Variants in EIF4A2 observed in about 807,000 individuals in gnomAD.
EIF4A2 encodes eukaryotic translation initiation factor 4A2, also known as eukaryotic initiation factor 4A-II.
Under a neutral mutation model 50.6 loss-of-function variants are expected in EIF4A2, and 9 were observed. The observed-to-expected ratio is 0.18, with a 90% CI of 0.11 to 0.31. The LOEUF is 0.31. Ranked by LOEUF, EIF4A2 falls within the 10% of genes least tolerant of loss-of-function variation. EIF4A2 has a pLI of 1.00. For synonymous variants in EIF4A2, 215 were observed against 164.4 expected (o/e 1.31, Z -2.35); for missense variants, 182 against 501.8 (o/e 0.36, Z 6.09).
At chr3:186,786,891 C>T in intron 7 of EIF4A2, 3 of 887,784 alleles carry the variant, frequency 3.4e-6, no homozygotes, top group South Asian at 1.4e-5. Flanking sequence ...TTTATAATTT[C>T]TACGTTTTGA....
chr3:186,785,256 AAG>A lies in EIF4A2; in HGVS notation c.348+157_348+158del, dbSNP rs1287654406. ...AGGGAGTTTTTGTTGAAAGTTTTAA[AAG>A]AACTGGGTATGCAGGTATGGTTTGT... On this transcript the variant is annotated intron_variant, in intron 4 of 10. Coordinates refer to ENST00000323963, the MANE Select transcript of EIF4A2 (RefSeq NM_001967.4). 3 of 1,082,676 alleles carry A rather than the reference AAG, an allele frequency of 2.8e-6. No homozygotes were observed. The African/African-American group carries it at 4.7e-5, about 17-fold the overall frequency. The allele number at this position is 1,082,676 out of a possible 1,614,324, so 67.1% of individuals were successfully genotyped here.
intron 10 of EIF4A2, chr3:186,788,186 T>C (rs1172054972): frequency 2.4e-6 from 2 of 837,258 alleles, no homozygotes; most frequent in African/African-American, 3.5e-5. Flanking sequence ...ATAGTTGGGA[T>C]TTTCTTGGTG....
At position 186,789,341 on chromosome 3, in the gene EIF4A2, C is replaced by CTTTCT; in HGVS notation, c.*75_*79dup. 1 of 1,517,490 alleles carries CTTTCT rather than the reference C, an allele frequency of 6.6e-7. No individual in the cohort carries two copies. The highest frequency in any genetic ancestry group is 8.8e-7 in the Non-Finnish European group (1 of 1,130,930). The allele number at this position is 1,517,490 out of a possible 1,614,324, so 94.0% of individuals were successfully genotyped here. A position where few individuals can be genotyped will look rare whatever the true frequency, so the allele number is the denominator to read the frequency against. ...GGCGATCACAACGTGCATTGTGCTT[C>CTTTCT]TTTCTTTGGGAATATTTGAATCTTG... On this transcript the variant is annotated 3_prime_UTR_variant, in exon 11 of 11. Coordinates refer to ENST00000323963, the MANE Select transcript of EIF4A2 (RefSeq NM_001967.4).
chr3:186,783,615 C>G lies in EIF4A2; in HGVS notation c.5C>G (p.Ser2Cys), dbSNP rs764605841. The G allele has an allele frequency of 3.7e-6, 6 of 1,614,018 alleles. No individual in the cohort carries two copies. The highest frequency in any genetic ancestry group is 1.3e-5 in the African/African-American group (1 of 74,898). Residue 2 changes from serine (S) to cysteine (C), a missense_variant, in exon 1 of 11, where the codon TCT becomes TGT. Coordinates refer to ENST00000323963, the MANE Select transcript of EIF4A2 (RefSeq NM_001967.4). ...CGCTGAGTGGTTTTTCGGATCATGT[C>G]TGGTGGCTCCGCGGATTATAACAGG... MSGGSADYNREH... is the reference protein window; with the variant it reads MCGGSADYNREH...
chr3:186,789,097 T>C (rs754575978), intron 10 of EIF4A2, 28 bp from the exon 11 acceptor site: 2 of 1,607,984 alleles, frequency 1.2e-6, no homozygotes, highest in Non-Finnish European at 8.5e-7. Context: ...ATGTGAGAAG[T>C]AACGTTCTGA....
In EIF4A2 at chr3:186,784,682, T is replaced by A. The variant is rs2108454857; in HGVS notation, c.194T>A (p.Ile65Asn). The stretch of plus-strand genomic sequence containing the variant: ...TCCGCTATTCAGCAGAGAGCTATTA[T>A]TCCCTGTATTAAAGGTAAAAGAAAC... ...KPSAIQQRAI[I>N]PCIKGYDVIA... Residue 65 changes from isoleucine to asparagine, a missense_variant, in exon 3 of 11, where the codon ATT (isoleucine) becomes AAT (asparagine). By Grantham distance (149) the Ile-to-Asn change is moderately radical. Coordinates refer to ENST00000323963, the MANE Select transcript of EIF4A2 (RefSeq NM_001967.4). 2 of 1,614,094 alleles carry A rather than the reference T, an allele frequency of 1.2e-6. No homozygotes were observed. Among genetic ancestry groups the A allele is most frequent in the Non-Finnish European group, 1.7e-6 (2 of 1,179,946 alleles).
Position 186,787,264 on chromosome 3 carries a change from G to T in EIF4A2, c.909G>T (p.Leu303=). 1 of 1,614,046 alleles carries T rather than the reference G, an allele frequency of 6.2e-7. No individual in the cohort carries two copies. Among genetic ancestry groups the T allele is most frequent in the Non-Finnish European group, 8.5e-7 (1 of 1,179,966 alleles). ...CCAGAGACTTCACAGTTTCTGCTCT[G>T]GTAAGAGGTGTTCTAAAATGTCTGG... ...MHARDFTVSA[L]HGDMDQKERD... The change falls in exon 8 of 11, where the codon CTG becomes CTT. Residue 303 remains leucine (L), a splice_region_variant and synonymous_variant. Coordinates refer to ENST00000323963, the MANE Select transcript of EIF4A2 (RefSeq NM_001967.4).
chr3:186,788,100 A>G (rs1228552593), intron 10 of EIF4A2: 12 of 699,936 alleles, frequency 1.7e-5, no homozygotes, highest in Admixed American at 3.0e-5. Flanking sequence ...TTTTTTCCAC[A>G]ATTGTTGGTC....
chr3:186,784,249 C>A, intron 1 of EIF4A2, 183 bp from the exon 2 acceptor site: 1 of 837,708 alleles, frequency 1.2e-6, no homozygotes, highest in Non-Finnish European at 1.8e-6. Context: ...GGCTGCCTTT[C>A]CGGGCATCCG....
At chr3:186,787,989 T>A in intron 10 of EIF4A2, 107 bp downstream of exon 10, 1 of 1,163,502 alleles carries the variant, frequency 8.6e-7, no homozygotes, top group Non-Finnish European at 1.2e-6. Context: ...GTAAAGTCAG[T>A]AGTGTTCAGT....
chr3:186,785,278 G>T, intron 4 of EIF4A2, 177 bp downstream of exon 4: 1 of 834,642 alleles, frequency 1.2e-6, no homozygotes, highest in Non-Finnish European at 1.8e-6. Flanking sequence ...TGCAGGTATG[G>T]TTTGTAGGGT....
intron 9 of EIF4A2, 32 bp downstream of exon 9, chr3:186,787,616 C>A: frequency 6.2e-7 from 1 of 1,613,146 alleles, no homozygotes; most frequent in Non-Finnish European, 8.5e-7. Context: ...AAAAATCTAC[C>A]AAAAGTTAGC....
chr3:186,785,635 C>A, intron 4 of EIF4A2: 1 of 461,426 alleles, frequency 2.2e-6, no homozygotes, highest in Non-Finnish European at 3.9e-6. Context: ...ATGTAGGAAA[C>A]GTTATTCTTG....
intron 3 of EIF4A2, 116 bp from the exon 4 acceptor site, chr3:186,784,846 T>TA (rs771820404): frequency 6.2e-7 from 1 of 1,600,304 alleles, no homozygotes; most frequent in Non-Finnish European, 8.5e-7. Flanking sequence ...ATGAAGAGAA[T>TA]ACTCATTGCT....
In EIF4A2 at chr3:186,786,190, T is replaced by C. The variant is rs752421895; in HGVS notation, c.544T>C (p.Leu182=). The change falls in exon 6 of 11, where the codon TTG becomes CTG. Residue 182 remains leucine (L), a synonymous_variant. Transcript: ENST00000323963. ...LSPKWIKMFV[L]DEADEMLSRG... ...TCCAAAATGGATCAAAATGTTTGTT[T>C]TGGATGAAGCAGATGAAATGTTGAG... 6.2e-7 allele frequency: 1 copy of C among 1,613,810 alleles called. No homozygotes were observed. The highest frequency in any genetic ancestry group is 1.3e-5 in the African/African-American group (1 of 74,912).
intron 10 of EIF4A2, chr3:186,788,694 A>G (rs1488852659): frequency 3.0e-5 from 7 of 233,250 alleles, no homozygotes; most frequent in Non-Finnish European, 6.0e-5. Context: ...GTTTTAGAAA[A>G]TAGTTAACCT....
intron 7 of EIF4A2, 113 bp downstream of exon 7, chr3:186,786,758 C>G (rs1201666943): frequency 1.1e-5 from 16 of 1,418,450 alleles, no homozygotes; most frequent in South Asian, 2.3e-5. Context: ...AGAGTACACA[C>G]AAGAAGAAAA....
Position 186,787,109 on chromosome 3 carries a change from A to C in EIF4A2, c.772-18A>C. The C allele has an allele frequency of 1.2e-6, 2 of 1,612,330 alleles. No individual in the cohort carries two copies. Among genetic ancestry groups the C allele is most frequent in the Non-Finnish European group, 1.7e-6 (2 of 1,179,598 alleles). On this transcript the variant is annotated intron_variant, in intron 7 of 10. Coordinates refer to ENST00000323963, the MANE Select transcript of EIF4A2 (RefSeq NM_001967.4). ...GAAAAACTAAATGACTGTTAACTTT[A>C]ACTTCTAAACATTACAGGAATGGAA... is the stretch of plus-strand genomic sequence containing the variant.
At position 186,789,765 on chromosome 3, in the gene EIF4A2, T is replaced by TA; in HGVS notation, c.*498dup. ...ATTCAATAAAGTATTTAATTAGTGC[T>TA]AAGTGTGAACTGGACCCTGTTGCTA... On this transcript the variant is annotated 3_prime_UTR_variant, in exon 11 of 11. Coordinates refer to ENST00000323963, the MANE Select transcript of EIF4A2 (RefSeq NM_001967.4). The TA allele has an allele frequency of 1.9e-6, 1 of 538,954 alleles. No homozygotes were observed. The highest frequency in any genetic ancestry group is 3.3e-6 in the Non-Finnish European group (1 of 305,092). The allele number at this position is 538,954 out of a possible 1,614,324, so 33.4% of individuals were successfully genotyped here.
Sources: allele counts gnomAD v4.1 joint callset, GRCh38; gene constraint gnomAD v4.1.1; transcripts MANE v1.5; gene names NCBI Gene and HGNC (gene_info 2026-07-23, HGNC 2026-07-21).